The following SLC36A1 variants were observed in gnomAD, a reference collection of about 807,000 sequenced individuals.
SLC36A1 encodes the protein solute carrier family 36 member 1.
SLC36A1 carries 30 observed loss-of-function variants against 47.5 expected under a neutral mutation model. The ratio of observed to expected loss-of-function variants is 0.63; its 90% confidence interval spans 0.47 to 0.86. The LOEUF (loss-of-function observed/expected upper bound fraction) is 0.86. Among genes scored for constraint, SLC36A1 ranks in the 40% least tolerant of loss-of-function variants. The pLI, the probability that SLC36A1 is intolerant of heterozygous loss-of-function variation, is 0.00. For missense variants in SLC36A1, 517 were observed against 606.0 expected, an observed-to-expected ratio of 0.85 and a Z score of 1.54; for synonymous variants, 255 against 249.7, an observed-to-expected ratio of 1.02 and a Z score of -0.20.
chr5:151,403,849 T>G, the SLC36A1 span, among the ~76,000 whole-genome samples: 32 of 152,228 alleles, frequency 2.1e-4, no homozygotes, highest in African/African-American at 7.5e-4. Flanking sequence ...AGCATGTGGT[T>G]GATCTCAGAG....
At chr5:151,392,350 A>C in the SLC36A1 span, among the ~76,000 whole-genome samples, 2 of 152,148 alleles carry the variant, frequency 1.3e-5, no homozygotes. Context: ...TCAAAAAACC[A>C]GTTCCTGGAT....
At chr5:151,543,257 CT>C in the SLC36A1 span, 1 of 1,614,208 alleles carries the variant, frequency 6.2e-7, no homozygotes, top group Non-Finnish European at 8.5e-7. Flanking sequence ...TCTGGGTTCA[CT>C]GAGTAGGTGA....
chr5:151,452,336 T>G (rs1279712373), intron 1 of SLC36A1: 1 of 152,244 alleles, frequency 6.6e-6, no homozygotes, highest in Non-Finnish European at 1.5e-5. Context: ...TTTGTTCATG[T>G]TTTTAGAATT....
At chr5:151,448,287 A>G (rs1753124549) in intron 1 of SLC36A1, among the ~76,000 whole-genome samples, 1 of 152,182 alleles carries the variant, frequency 6.6e-6, no homozygotes, top group African/African-American at 2.4e-5. Flanking sequence ...CTGCGACTAG[A>G]ATGCAAATGT....
chr5:151,532,185 A>C, the SLC36A1 span, among the ~76,000 whole-genome samples: 1 of 152,238 alleles, frequency 6.6e-6, no homozygotes, highest in Non-Finnish European at 1.5e-5. Flanking sequence ...GGGGGAACCT[A>C]ATCTGCAAAT....
chr5:151,521,885 C>G, the SLC36A1 span: 1 of 1,614,122 alleles, frequency 6.2e-7, no homozygotes, highest in Non-Finnish European at 8.5e-7. Context: ...GTCTCCTCTT[C>G]TGCCAGGCTA....
intron 10 of SLC36A1, among the ~76,000 whole-genome samples, chr5:151,483,056 A>G (rs1436111804): frequency 6.6e-6 from 1 of 152,188 alleles, no homozygotes; most frequent in South Asian, 2.1e-4. Context: ...AAAAATAAAA[A>G]TAAAAATAAA....
intron 10 of SLC36A1, among the ~76,000 whole-genome samples, chr5:151,483,340 A>G (rs1759064079): frequency 6.6e-6 from 1 of 152,198 alleles, no homozygotes; most frequent in South Asian, 2.1e-4. Context: ...CTTGACTCGA[A>G]GGGAAGATGT....
chr5:151,469,926 C>T (rs1757084341), intron 7 of SLC36A1, among the ~76,000 whole-genome samples: 2 of 152,046 alleles, frequency 1.3e-5, no homozygotes, highest in Admixed American at 6.6e-5. Context: ...AAGACAGTGG[C>T]TCATAAAAAG....
At chr5:151,538,961 C>A in the SLC36A1 span, among the ~76,000 whole-genome samples, 1 of 152,064 alleles carries the variant, frequency 6.6e-6, no homozygotes, top group Non-Finnish European at 1.5e-5. Context: ...GCTTGGATTA[C>A]AGACGTGGAT....
At chr5:151,539,258 T>C in the SLC36A1 span, among the ~76,000 whole-genome samples, 2 of 152,202 alleles carry the variant, frequency 1.3e-5, no homozygotes, top group Admixed American at 6.5e-5. Context: ...TACAGTGCTT[T>C]TATGTGACTG....
At chr5:151,499,013 T>C in the SLC36A1 span, among the ~76,000 whole-genome samples, 1 of 152,198 alleles carries the variant, frequency 6.6e-6, no homozygotes, top group Non-Finnish European at 1.5e-5. Flanking sequence ...CACTCTGCCC[T>C]TGGGGGCTAA....
At chr5:151,523,920 C>T in the SLC36A1 span, among the ~76,000 whole-genome samples, 2 of 152,210 alleles carry the variant, frequency 1.3e-5, no homozygotes, top group Non-Finnish European at 2.9e-5. Context: ...TGGGAGCCAA[C>T]AATTTAGAAA....
the SLC36A1 span, among the ~76,000 whole-genome samples, chr5:151,538,810 G>T: frequency 1.3e-5 from 2 of 151,950 alleles, no homozygotes; most frequent in African/African-American, 4.8e-5. Context: ...CTAGGTAGCT[G>T]GGAGTACAGG....
chr5:151,510,146 G>A, the SLC36A1 span: 1 of 1,614,148 alleles, frequency 6.2e-7, no homozygotes, highest in Non-Finnish European at 8.5e-7. Flanking sequence ...GCTTCCCAGA[G>A]AACTGTGGGG....
chr5:151,551,336 A>C, the SLC36A1 span: 13 of 958,674 alleles, frequency 1.4e-5, no homozygotes, highest in Non-Finnish European at 1.9e-5. Flanking sequence ...TGTATTAGAC[A>C]AGAACTTTGA....
At chr5:151,397,190 A>G in the SLC36A1 span, among the ~76,000 whole-genome samples, 1 of 152,190 alleles carries the variant, frequency 6.6e-6, no homozygotes, top group Non-Finnish European at 1.5e-5. Context: ...CTCCATGTAG[A>G]CAGCTCTCAG....
At chr5:151,482,781 A>T (rs947293730) in intron 10 of SLC36A1, among the ~76,000 whole-genome samples, 24 of 152,210 alleles carry the variant, frequency 1.6e-4, no homozygotes, top group African/African-American at 4.8e-5. Flanking sequence ...CCACTAAGTC[A>T]AACTTTGTAT....
the SLC36A1 span, among the ~76,000 whole-genome samples, chr5:151,531,099 G>C: frequency 3.3e-5 from 5 of 152,020 alleles, no homozygotes; most frequent in Non-Finnish European, 5.9e-5. This position sits in a 1 kb window ranked among gnomAD's most constrained non-coding sequence, Gnocchi z 5.7. Context: ...GAAGTGAGAC[G>C]GTTTCCTAGT....
Sources: allele counts gnomAD v4.1 joint callset (sites outside exome capture counted in the v4.1 genomes callset), GRCh38; gene constraint gnomAD v4.1.1; non-coding constraint Gnocchi (gnomAD v3.1); transcripts MANE v1.5; gene names NCBI Gene and HGNC (gene_info 2026-07-23, HGNC 2026-07-21).